The following ZNF12 variants were observed in gnomAD, a reference collection of about 807,000 sequenced individuals.
ZNF12 encodes the protein gonadotropin inducible transcription repressor 3.
Under a neutral mutation model 66.6 loss-of-function variants are expected in ZNF12, and 34 were observed. The observed-to-expected ratio is 0.51, with a 90% CI of 0.39 to 0.68. The LOEUF is 0.68. Ranked by LOEUF, ZNF12 falls within the 30% of genes least tolerant of loss-of-function variation. The probability of loss-of-function intolerance (pLI) is 0.00; values close to 1 mark genes in which losing one functional copy is unlikely to be tolerated. For missense variants in ZNF12, 697 were observed against 826.9 expected, an observed-to-expected ratio of 0.84 and a Z score of 1.93; for synonymous variants, 320 against 278.9, an observed-to-expected ratio of 1.15 and a Z score of -1.47.
rs1422794218 is a variant in ZNF12 at position 6,697,747 on chromosome 7, G to T, written c.80C>A (p.Pro27His). The T allele has an allele frequency of 6.2e-7, 1 of 1,614,142 alleles. No individual in the cohort carries two copies. Among genetic ancestry groups the T allele is most frequent in the Non-Finnish European group, 8.5e-7 (1 of 1,180,034 alleles). The change falls in exon 3 of 5, where the codon CCT (proline) becomes CAT (histidine). Residue 27 changes from proline to histidine, a missense_variant. Pro to His is a moderately conservative substitution (Grantham distance 77). Coordinates refer to ENST00000405858, the MANE Select transcript of ZNF12 (RefSeq NM_016265.4). The surrounding 1 kb of genome is among the most constrained non-coding windows in gnomAD (Gnocchi z 6.1). ...FTQEEWQQLD[P>H]EQKITYRDVM... ...ATCCCTGTAAGTTATCTTCTGCTCA[G>T]GATCCAGCTGCTGCCATTCCTCCTG...
chr7:6,706,627 T>C lies in ZNF12; in HGVS notation c.-246A>G, dbSNP rs546760529. On this transcript the variant is annotated 5_prime_UTR_variant, in exon 1 of 5. Transcript: ENST00000405858. Reference sequence around the variant, plus strand: ...CTCCCGGAGCCCAGATCCGTCTCCCTGGGGCTCACCGTCCTGCGGAGCCGG... The same window carrying C: ...CTCCCGGAGCCCAGATCCGTCTCCCCGGGGCTCACCGTCCTGCGGAGCCGG... 3 of 440,776 alleles carry C rather than the reference T, an allele frequency of 6.8e-6. No homozygotes were observed. Among genetic ancestry groups the C allele is most frequent in the East Asian group, 1.5e-4 (2 of 13,714 alleles). The allele number at this position is 440,776 out of a possible 1,614,324, so 27.3% of individuals were successfully genotyped here. A position where few individuals can be genotyped will look rare whatever the true frequency, so the allele number is the denominator to read the frequency against.
intron 4 of ZNF12, among the ~76,000 whole-genome samples, chr7:6,694,278 C>T (rs1461624210): frequency 6.6e-6 from 1 of 152,146 alleles, no homozygotes; most frequent in African/African-American, 2.4e-5. Context: ...ATGAACCTGA[C>T]TACTGTACTT....
Position 6,691,691 on chromosome 7 carries a change from G to T in ZNF12, c.1251C>A (p.Cys417Ter). The change falls in exon 5 of 5, where the codon TGC becomes TGA. Residue 417 changes from cysteine (C) to a stop codon, truncating the protein, a stop_gained. Transcript: ENST00000405858. LOFTEE classifies it high-confidence loss of function. ...TCGTGAGAGTAGACTTGCGGCAGAA[G>T]CATTTCCCACATTCACTACACTTGT... ...KLYKCSECGK[C>*]FCRKSTLTTH... The T allele has an allele frequency of 6.2e-7, 1 of 1,613,908 alleles. No homozygotes were observed.
At chr7:6,703,526 C>T (rs984766322) in intron 2 of ZNF12, among the ~76,000 whole-genome samples, 6 of 151,996 alleles carry the variant, frequency 3.9e-5, no homozygotes, top group Admixed American at 1.3e-4. Context: ...ACAGGCTGGA[C>T]GATGGAACAA....
At position 6,706,544 on chromosome 7, in the gene ZNF12, C is replaced by T. The variant is rs1169187010; in HGVS notation, c.-163G>A. ...CCCTTCCTGTCCACCTCACCAAGGC[C>T]GTTCTGCTCCAGAGGGGCCCGGGCC... On this transcript the variant is annotated 5_prime_UTR_variant, in exon 1 of 5. Transcript: ENST00000405858. 2.1e-6 allele frequency: 1 copy of T among 471,068 alleles called. No individual in the cohort carries two copies. The highest frequency in any genetic ancestry group is 4.2e-6 in the Non-Finnish European group (1 of 236,696). The allele number at this position is 471,068 out of a possible 1,614,324, so 29.2% of individuals were successfully genotyped here.
At chr7:6,699,561 GA>G (rs1024387241) in intron 2 of ZNF12, among the ~76,000 whole-genome samples, 53 of 152,356 alleles carry the variant, frequency 3.5e-4, no homozygotes, top group African/African-American at 1.3e-3. Context: ...TGAGCTTCCA[GA>G]AACTCTGTGC....
chr7:6,694,751 G>T (rs1780129112), intron 4 of ZNF12, among the ~76,000 whole-genome samples: 1 of 151,402 alleles, frequency 6.6e-6, no homozygotes, highest in Non-Finnish European at 1.5e-5. Flanking sequence ...ACCTTTGTAG[G>T]GGATTTCCAT....
intron 2 of ZNF12, among the ~76,000 whole-genome samples, chr7:6,699,556 T>C (rs1005098225): frequency 6.6e-6 from 1 of 152,246 alleles, no homozygotes; most frequent in Non-Finnish European, 1.5e-5. Flanking sequence ...ATAGCTGAGC[T>C]TCCAGAAACT....
intron 1 of ZNF12, 35 bp downstream of exon 1, chr7:6,706,397 C>T (rs1156660745): frequency 6.5e-6 from 3 of 463,216 alleles, no homozygotes; most frequent in Middle Eastern, 1.0e-3. Flanking sequence ...TCACCCAGGC[C>T]CTTCTCGCCC....
intron 4 of ZNF12, among the ~76,000 whole-genome samples, chr7:6,694,844 T>C (rs971022237): frequency 3.3e-5 from 5 of 152,208 alleles, no homozygotes; most frequent in Non-Finnish European, 5.9e-5. Context: ...ATAGAATCAT[T>C]TTAATACAAA....
At position 6,690,849 on chromosome 7, in the gene ZNF12, C is replaced by T. The variant is rs1356434221; in HGVS notation, c.2093G>A (p.Ter698=). Residue 698 remains the stop codon, a stop_retained_variant, in exon 5 of 5, where the codon TGA becomes TAA. Transcript: ENST00000405858. ...TCTGATATAAAATGAGGTCTGACTT[C>T]AGAGAAGCCTTCCCACATCTATTAC... is the stretch of plus-strand genomic sequence containing the variant. ...MNVIDVGRLL[*] is the part of the protein sequence containing the mutation. The T allele has an allele frequency of 6.2e-7, 1 of 1,604,322 alleles. No homozygotes were observed. Among genetic ancestry groups the T allele is most frequent in the East Asian group, 2.2e-5 (1 of 44,806 alleles).
chr7:6,691,471 T>A lies in ZNF12; in HGVS notation c.1471A>T (p.Lys491Ter). 1 of 1,614,164 alleles carries A rather than the reference T, an allele frequency of 6.2e-7. No individual in the cohort carries two copies. The highest frequency in any genetic ancestry group is 1.3e-5 in the African/African-American group (1 of 75,054). The change falls in exon 5 of 5, where the codon AAA becomes TAA. Residue 491 changes from lysine to a stop codon, truncating the protein, a stop_gained. Coordinates refer to ENST00000405858, the MANE Select transcript of ZNF12 (RefSeq NM_016265.4). LOFTEE classifies it high-confidence loss of function. Reference protein sequence around the residue: ...MRHQRVHTGEKPYECNECGKL... With the variant: ...MRHQRVHTGE ...CCACATTCATTACATTCGTAAGGTT[T>A]CTCTCCTGTGTGCACTCTCTGATGT...
chr7:6,706,808 AC>A lies in ZNF12; in HGVS notation c.-428del. ...CCGCTTGAGCCTCCGCCTGGCCCGC[AC>A]AGCCCCGCGCCCGCTTGGGTGCCGG... On this transcript the variant is annotated 5_prime_UTR_variant, in exon 1 of 5. Transcript: ENST00000405858. 3.3e-6 allele frequency: 1 copy of A among 303,588 alleles called. No individual in the cohort carries two copies. Among genetic ancestry groups the A allele is most frequent in the South Asian group, 2.4e-5 (1 of 41,176 alleles). 18.8% of individuals were successfully genotyped at this position (303,588 alleles called of 1,614,324 possible). A position where few individuals can be genotyped will look rare whatever the true frequency, so the allele number is the denominator to read the frequency against.
In ZNF12 at chr7:6,692,437, T is replaced by G. The variant is rs1369619331; in HGVS notation, c.505A>C (p.Ser169Arg). 1 of 1,613,278 alleles carries G rather than the reference T, an allele frequency of 6.2e-7. No individual in the cohort carries two copies. The highest frequency in any genetic ancestry group is 1.7e-5 in the Admixed American group (1 of 59,978). Residue 169 changes from serine to arginine, a missense_variant, in exon 5 of 5, where the codon AGT becomes CGT. Coordinates refer to ENST00000405858, the MANE Select transcript of ZNF12 (RefSeq NM_016265.4). This position sits in a 1 kb window ranked among gnomAD's most constrained non-coding sequence, Gnocchi z 5.1. ...SYARMKADEC[S>R]GCGKSLLHIK... ...TGGAGGAGTGATTTCCCACATCCAC[T>G]ACATTCATCAGCTTTCATTCTTGCA...
In ZNF12 at chr7:6,698,116, G is replaced by A; in HGVS notation, c.16-305C>T. On this transcript the variant is annotated intron_variant, in intron 2 of 4. Coordinates refer to ENST00000405858, the MANE Select transcript of ZNF12 (RefSeq NM_016265.4). This position sits in a 1 kb window ranked among gnomAD's most constrained non-coding sequence, Gnocchi z 4.4. Reference sequence around the variant, plus strand: ...CTCACCCCTGAGGAGCACAGGCCTGGGGACACTCACAGAACCCCAGGATGC... The same window carrying A: ...CTCACCCCTGAGGAGCACAGGCCTGAGGACACTCACAGAACCCCAGGATGC... The A allele has an allele frequency of 1.8e-6, 1 of 563,840 alleles. No homozygotes were observed. The highest frequency in any genetic ancestry group is 3.4e-6 in the Non-Finnish European group (1 of 297,648). The allele number at this position is 563,840 out of a possible 1,614,324, so 34.9% of individuals were successfully genotyped here.
At position 6,688,688 on chromosome 7, in the gene ZNF12, G is replaced by A. The variant is rs575089826; in HGVS notation, c.*2160C>T. 8 of 152,268 alleles carry A rather than the reference G, an allele frequency of 5.3e-5. No homozygotes were observed. Among genetic ancestry groups the A allele is most frequent in the South Asian group, 2.1e-4 (1 of 4,828 alleles). 9.4% of individuals were successfully genotyped at this position (152,268 alleles called of 1,614,324 possible). On this transcript the variant is annotated 3_prime_UTR_variant, in exon 5 of 5. Transcript: ENST00000405858. This position sits in a 1 kb window ranked among gnomAD's most constrained non-coding sequence, Gnocchi z 4.3. ...TGTGATTTTAATAAATGGAAAACAC[G>A]GCATTTCAGCTCAGTGGTAAAGCAG...
intron 2 of ZNF12, among the ~76,000 whole-genome samples, chr7:6,699,719 G>A (rs1005085298): frequency 6.6e-6 from 1 of 152,176 alleles, no homozygotes; most frequent in Non-Finnish European, 1.5e-5. Flanking sequence ...GTAGGTCCCT[G>A]CTTAGTATGT....
intron 2 of ZNF12, among the ~76,000 whole-genome samples, chr7:6,700,302 TATAC>T (rs751329548): frequency 4.8e-5 from 4 of 83,876 alleles, no homozygotes; most frequent in Non-Finnish European, 7.3e-5. Context: ...AAAAAAAAAA[TATAC>T]ACACACACAC....
At position 6,697,360 on chromosome 7, in the gene ZNF12, A is replaced by G; in HGVS notation, c.217T>C (p.Phe73Leu). 6.2e-7 allele frequency: 1 copy of G among 1,610,700 alleles called. No individual in the cohort carries two copies. The highest frequency in any genetic ancestry group is 2.2e-5 in the East Asian group (1 of 44,840). The stretch of plus-strand genomic sequence containing the variant: ...ACACCTGGATAGCTCTGAAGTAGGA[A>G]TTCTCCTTCTACTATCCATGGCTCT... Reference protein sequence around the residue: ...GEEPWIVEGEFLLQSYPDEVW... With the variant: ...GEEPWIVEGELLLQSYPDEVW... The change falls in exon 4 of 5, where the codon TTC becomes CTC. Residue 73 changes from phenylalanine to leucine, a missense_variant. Phe to Leu is a conservative substitution (Grantham distance 22, BLOSUM62 0). This residue lies in a region of ZNF12 where 241 missense variants were observed against 224.0 expected (regional missense o/e 1.08). Transcript: ENST00000405858. The surrounding 1 kb of genome is among the most constrained non-coding windows in gnomAD (Gnocchi z 6.1).
Sources: allele counts gnomAD v4.1 joint callset (sites outside exome capture counted in the v4.1 genomes callset), GRCh38; gene constraint gnomAD v4.1.1; regional missense constraint gnomAD v4.1.1; non-coding constraint Gnocchi (gnomAD v3.1); transcripts MANE v1.5; gene names NCBI Gene and HGNC (gene_info 2026-07-23, HGNC 2026-07-21).